The following CSMD1 variants were observed in gnomAD, a reference collection of about 807,000 sequenced individuals.
The protein encoded by CSMD1 is CUB and Sushi multiple domains 1.
Under a neutral mutation model 417.5 loss-of-function variants are expected in CSMD1, and 213 were observed. The ratio of observed to expected loss-of-function variants is 0.51; its 90% CI spans 0.46 to 0.57. CSMD1 has a LOEUF of 0.57. CSMD1 is among the 20% of genes least tolerant of loss of function. The pLI is 0.00. For synonymous variants in CSMD1, 2,862 were observed against 1,736.8 expected (o/e 1.65, Z -16.11); for missense variants, 6,923 against 4,529.7 (o/e 1.53, Z -15.17).
chr8:4,774,952 G>C (rs992464205), intron 1 of CSMD1, among the ~76,000 whole-genome samples: 1 of 152,098 alleles, frequency 6.6e-6, no homozygotes, highest in East Asian at 1.9e-4. Flanking sequence ...GCAAAACCTT[G>C]AGCAAATTAA....
intron 26 of CSMD1, among the ~76,000 whole-genome samples, chr8:3,275,823 C>A (rs1026626547): frequency 1.3e-5 from 2 of 152,028 alleles, no homozygotes; most frequent in African/African-American, 4.8e-5. Flanking sequence ...TCTAGTTATA[C>A]ATTCTTCTAA....
At chr8:4,388,228 A>T (rs1364717324) in intron 3 of CSMD1, among the ~76,000 whole-genome samples, 2 of 151,958 alleles carry the variant, frequency 1.3e-5, no homozygotes, top group African/African-American at 4.8e-5. Context: ...ATGCGTGTTT[A>T]CAGTGGAATT....
chr8:4,424,751 C>G (rs1297174167), intron 2 of CSMD1, among the ~76,000 whole-genome samples: 1 of 152,074 alleles, frequency 6.6e-6, no homozygotes, highest in Non-Finnish European at 1.5e-5. Context: ...TGATGGGAAA[C>G]TGTCCCTATC....
At chr8:3,997,872 A>G in intron 5 of CSMD1, 31 bp downstream of exon 5, 1 of 1,586,544 alleles carries the variant, frequency 6.3e-7, no homozygotes, top group Non-Finnish European at 8.6e-7. Context: ...ACACACCTGT[A>G]TCCTTTGTGG....
chr8:3,880,191 G>C (rs187208721), intron 5 of CSMD1, among the ~76,000 whole-genome samples: 2 of 152,116 alleles, frequency 1.3e-5, no homozygotes, highest in Admixed American at 6.6e-5. Flanking sequence ...TAGCCAAGAG[G>C]AGCAGTTAGG....
intron 21 of CSMD1, among the ~76,000 whole-genome samples, chr8:3,358,549 T>C (rs899466733): frequency 6.6e-6 from 1 of 152,184 alleles, no homozygotes; most frequent in African/African-American, 2.4e-5. Context: ...AATTCCTGCA[T>C]GTGAGCCTAG....
chr8:3,292,503 G>C (rs1000011266), intron 25 of CSMD1, among the ~76,000 whole-genome samples: 1 of 152,198 alleles, frequency 6.6e-6, no homozygotes, highest in Non-Finnish European at 1.5e-5. Context: ...TCAAGAATCT[G>C]CGTGCTCCTG....
At chr8:3,447,655 G>C (rs1815385269) in intron 12 of CSMD1, among the ~76,000 whole-genome samples, 1 of 152,192 alleles carries the variant, frequency 6.6e-6, no homozygotes, top group South Asian at 2.1e-4. Context: ...ATTCTTTGCT[G>C]CTTTATTTCT....
At chr8:3,009,955 C>A (rs1808254162) in intron 52 of CSMD1, among the ~76,000 whole-genome samples, 1 of 152,180 alleles carries the variant, frequency 6.6e-6, no homozygotes, top group Admixed American at 6.5e-5. Context: ...TTGGGGCTTT[C>A]AGCATTCTTT....
At chr8:3,833,029 T>C (rs1047853974) in intron 5 of CSMD1, among the ~76,000 whole-genome samples, 2 of 152,194 alleles carry the variant, frequency 1.3e-5, no homozygotes, top group African/African-American at 4.8e-5. Context: ...GTTGATACTA[T>C]AAAGTAGTGA....
At chr8:3,457,977 A>C (rs1194314513) in intron 12 of CSMD1, among the ~76,000 whole-genome samples, 3 of 152,184 alleles carry the variant, frequency 2.0e-5, no homozygotes, top group African/African-American at 4.8e-5. Context: ...CTAGAAGTAC[A>C]CCTTGTTAAT....
At chr8:3,506,475 G>T (rs1471307834) in intron 10 of CSMD1, among the ~76,000 whole-genome samples, 1 of 152,172 alleles carries the variant, frequency 6.6e-6, no homozygotes, top group East Asian at 1.9e-4. Flanking sequence ...CAGAAAGGGG[G>T]AATAAGTTAC....
At chr8:3,897,357 C>A (rs1038195789) in intron 5 of CSMD1, among the ~76,000 whole-genome samples, 1 of 152,156 alleles carries the variant, frequency 6.6e-6, no homozygotes, top group Non-Finnish European at 1.5e-5. Flanking sequence ...TGTGCTCTAA[C>A]AGTGATTCCT....
chr8:3,456,897 C>T (rs2117132780), intron 12 of CSMD1, among the ~76,000 whole-genome samples: 1 of 152,110 alleles, frequency 6.6e-6, no homozygotes, highest in East Asian at 1.9e-4. Flanking sequence ...CTATCCTGCC[C>T]CCCTTGTATT....
intron 52 of CSMD1, among the ~76,000 whole-genome samples, chr8:3,008,782 G>A (rs928430840): frequency 2.6e-5 from 4 of 152,208 alleles, no homozygotes; most frequent in Non-Finnish European, 5.9e-5. Flanking sequence ...TATGCGGTTT[G>A]CAACCTAAAA....
At chr8:3,923,370 C>A (rs372321941) in intron 5 of CSMD1, among the ~76,000 whole-genome samples, 197 of 152,236 alleles carry the variant, frequency 1.3e-3, no homozygotes, top group African/African-American at 4.6e-3. Flanking sequence ...TGTCCCCTTC[C>A]CATTGCAATT....
At chr8:3,976,077 G>T (rs796216962) in intron 5 of CSMD1, among the ~76,000 whole-genome samples, 76 of 150,902 alleles carry the variant, frequency 5.0e-4, no homozygotes, top group African/African-American at 1.8e-3. Flanking sequence ...AAATTTTTTT[G>T]GGGGGGTCAC....
intron 49 of CSMD1, among the ~76,000 whole-genome samples, chr8:3,085,925 T>C (rs962993283): frequency 2.0e-5 from 3 of 152,176 alleles, no homozygotes; most frequent in Non-Finnish European, 4.4e-5. Context: ...TTAGGCTCTA[T>C]TTTGACTCCA....
At chr8:3,916,400 T>C (rs926280388) in intron 5 of CSMD1, among the ~76,000 whole-genome samples, 1 of 152,158 alleles carries the variant, frequency 6.6e-6, no homozygotes, top group African/African-American at 2.4e-5. Flanking sequence ...GAAATAACTC[T>C]CAATTTCTAA....
Sources: gnomAD v4.1 joint callset for allele counts (sites outside exome capture counted in the v4.1 genomes callset) on GRCh38, gnomAD v4.1.1 for gene constraint, MANE v1.5 for transcripts, NCBI Gene and HGNC (gene_info 2026-07-23, HGNC 2026-07-21) for gene names.